Variants in THSD7B observed in about 807,000 individuals in gnomAD.
THSD7B encodes the protein thrombospondin type 1 domain containing 7B, also known as thrombospondin type-1 domain-containing protein 7B.
Under a neutral mutation model 213.6 loss-of-function variants are expected in THSD7B, and 138 were observed. The ratio of observed to expected loss-of-function variants is 0.65; its 90% CI spans 0.56 to 0.74. THSD7B has a LOEUF of 0.74. THSD7B is among the 30% of genes least tolerant of loss of function. The probability of loss-of-function intolerance (pLI) is 0.00; values close to 1 mark genes in which losing one functional copy is unlikely to be tolerated. For missense variants in THSD7B, 1,931 were observed against 1,991.5 expected (o/e 0.97, Z 0.58); for synonymous variants, 742 against 687.0 (o/e 1.08, Z -1.25).
chr2:136,899,678 T>G (rs921296282), intron 2 of THSD7B, among the ~76,000 whole-genome samples: 3 of 152,196 alleles, frequency 2.0e-5, no homozygotes, highest in Non-Finnish European at 4.4e-5. Flanking sequence ...AATTTCAGAA[T>G]TATACATAAC....
At chr2:137,353,070 C>A (rs781533116) in intron 12 of THSD7B, among the ~76,000 whole-genome samples, 3 of 151,812 alleles carry the variant, frequency 2.0e-5, no homozygotes, top group African/African-American at 7.3e-5. Context: ...CTTAATTGGC[C>A]GAGTTCTGGA....
chr2:137,500,468 G>A (rs1679676278), intron 15 of THSD7B, among the ~76,000 whole-genome samples: 1 of 152,146 alleles, frequency 6.6e-6, no homozygotes, highest in African/African-American at 2.4e-5. Context: ...AGCCTTTCCA[G>A]TGCCTAGAGG....
At chr2:137,545,921 C>A (rs2105197699) in intron 15 of THSD7B, among the ~76,000 whole-genome samples, 1 of 151,728 alleles carries the variant, frequency 6.6e-6, no homozygotes, top group Admixed American at 6.6e-5. Flanking sequence ...TGAATATTAC[C>A]TGCCTTTAAG....
intron 1 of THSD7B, among the ~76,000 whole-genome samples, chr2:136,813,658 G>C (rs1244357799): frequency 6.6e-6 from 1 of 151,684 alleles, no homozygotes; most frequent in Non-Finnish European, 1.5e-5. Flanking sequence ...TTTTTCCAGT[G>C]AACTCTACGA....
intron 17 of THSD7B, among the ~76,000 whole-genome samples, chr2:137,575,392 C>A (rs1205901299): frequency 2.6e-5 from 4 of 151,930 alleles, no homozygotes; most frequent in African/African-American, 9.7e-5. Context: ...TAAGTTATTA[C>A]TTGATCTTTT....
At chr2:137,414,919 G>A (rs1037833514) in intron 14 of THSD7B, among the ~76,000 whole-genome samples, 1 of 151,718 alleles carries the variant, frequency 6.6e-6, no homozygotes, top group African/African-American at 2.4e-5. Context: ...AGCCAGGTGT[G>A]GTGGCAGGTG....
chr2:137,553,805 T>G (rs1225528369), intron 15 of THSD7B, among the ~76,000 whole-genome samples: 4 of 152,200 alleles, frequency 2.6e-5, no homozygotes. Flanking sequence ...ATTTCCATTA[T>G]AAAACTATAA....
intron 3 of THSD7B, among the ~76,000 whole-genome samples, chr2:137,073,725 G>A (rs76243592): frequency 0.096 from 14,657 of 152,034 alleles, 924 homozygotes; most frequent in African/African-American, 0.19. Context: ...GGCATTTAGT[G>A]CTATAAATTT....
At chr2:137,532,873 A>G (rs1680425371) in intron 15 of THSD7B, among the ~76,000 whole-genome samples, 1 of 151,594 alleles carries the variant, frequency 6.6e-6, no homozygotes, top group African/African-American at 2.4e-5. Flanking sequence ...ATTTTATATG[A>G]GCAAATAATG....
chr2:137,628,638 C>A (rs1682681099), intron 20 of THSD7B, among the ~76,000 whole-genome samples: 1 of 152,210 alleles, frequency 6.6e-6, no homozygotes, highest in South Asian at 2.1e-4. Context: ...ATCCCACTGC[C>A]ATAAGCACTA....
intron 5 of THSD7B, among the ~76,000 whole-genome samples, chr2:137,133,122 G>A (rs1688771699): frequency 6.6e-6 from 1 of 152,002 alleles, no homozygotes; most frequent in Admixed American, 6.6e-5. Flanking sequence ...CTTTTGCCTT[G>A]GATTATTATC....
chr2:137,116,124 T>C (rs1468615540), intron 5 of THSD7B, among the ~76,000 whole-genome samples: 1 of 152,230 alleles, frequency 6.6e-6, no homozygotes, highest in Non-Finnish European at 1.5e-5. Flanking sequence ...CATTCAATTC[T>C]GTAAAGCTTG....
chr2:137,661,646 T>TTTATTAG (rs1452532251), intron 25 of THSD7B, among the ~76,000 whole-genome samples: 1 of 152,006 alleles, frequency 6.6e-6, no homozygotes, highest in Non-Finnish European at 1.5e-5. Flanking sequence ...AGAGTGAAAG[T>TTTATTAG]TTATTAAAAA....
At chr2:136,806,555 T>G (rs1682284828) in intron 1 of THSD7B, among the ~76,000 whole-genome samples, 2 of 152,192 alleles carry the variant, frequency 1.3e-5, no homozygotes, top group East Asian at 3.8e-4. Context: ...AAATAAACTT[T>G]TAATTTTAGA....
At chr2:137,291,990 C>G (rs1282232557) in intron 12 of THSD7B, among the ~76,000 whole-genome samples, 2 of 152,080 alleles carry the variant, frequency 1.3e-5, no homozygotes, top group Non-Finnish European at 2.9e-5. Context: ...CATCTGAAGA[C>G]ATTTTCAGTG....
chr2:137,144,384 C>T (rs1388043189), intron 5 of THSD7B, among the ~76,000 whole-genome samples: 1 of 152,032 alleles, frequency 6.6e-6, no homozygotes, highest in Admixed American at 6.6e-5. Flanking sequence ...TATAACCACA[C>T]TAATTTATTT....
intron 12 of THSD7B, among the ~76,000 whole-genome samples, chr2:137,384,333 A>G (rs1361028599): frequency 6.6e-6 from 1 of 152,208 alleles, no homozygotes; most frequent in Non-Finnish European, 1.5e-5. Context: ...TTCTTAATTC[A>G]ATCAGATTTC....
intron 4 of THSD7B, among the ~76,000 whole-genome samples, chr2:137,103,014 T>A (rs1688179969): frequency 6.6e-6 from 1 of 151,916 alleles, no homozygotes; most frequent in African/African-American, 2.4e-5. Flanking sequence ...AGACCAACAT[T>A]CAAATTCAGG....
At chr2:137,518,767 A>T (rs925298728) in intron 15 of THSD7B, among the ~76,000 whole-genome samples, 4 of 152,122 alleles carry the variant, frequency 2.6e-5, no homozygotes, top group Non-Finnish European at 5.9e-5. Context: ...AGCAACGTGG[A>T]CTTCCACTCA....
Sources: allele counts gnomAD v4.1 joint callset (sites outside exome capture counted in the v4.1 genomes callset), GRCh38; gene constraint gnomAD v4.1.1; transcripts MANE v1.5; gene names NCBI Gene and HGNC (gene_info 2026-07-23, HGNC 2026-07-21).